Variants in FAT3 observed in about 807,000 individuals in gnomAD.
FAT3 encodes the protein FAT atypical cadherin 3.
A neutral mutation model predicts 310.2 loss-of-function variants in FAT3; 95 were observed. The observed-to-expected ratio is 0.31, with a 90% CI of 0.26 to 0.36. FAT3 has a LOEUF of 0.36. FAT3 is among the 10% of genes least tolerant of loss of function. The probability of loss-of-function intolerance (pLI) is 1.00; values close to 1 mark genes in which losing one functional copy is unlikely to be tolerated. For missense variants in FAT3, 5,408 were observed against 5,715.6 expected (o/e 0.95, Z 1.74); for synonymous variants, 2,314 against 2,192.9 (o/e 1.06, Z -1.54).
At chr11:92,685,339 A>G (rs1218729458) in intron 3 of FAT3, among the ~76,000 whole-genome samples, 2 of 152,170 alleles carry the variant, frequency 1.3e-5, no homozygotes, top group African/African-American at 4.8e-5. Flanking sequence ...CATGACACCA[A>G]AAAACATGGC....
intron 3 of FAT3, among the ~76,000 whole-genome samples, chr11:92,582,814 T>C (rs1306680312): frequency 1.3e-5 from 2 of 152,026 alleles, no homozygotes; most frequent in Admixed American, 1.3e-4. Flanking sequence ...AAAAGTCCTA[T>C]CCAATAGTTG....
At chr11:92,452,832 G>A (rs911646187) in intron 2 of FAT3, among the ~76,000 whole-genome samples, 2 of 152,004 alleles carry the variant, frequency 1.3e-5, no homozygotes, top group Non-Finnish European at 2.9e-5. Context: ...GTGAGATCAC[G>A]GCTCACTGAA....
At position 92,264,320 on chromosome 11, in the gene FAT3, T is replaced by C. The variant is rs377212690; in HGVS notation, c.-18+39146T>C. Among the ~76,000 whole-genome samples, 22 of 152,292 alleles carry C rather than the reference T, an allele frequency of 1.4e-4. 1 individual carries two copies. Among genetic ancestry groups the C allele is most frequent in the African/African-American group, 5.1e-4 (21 of 41,576 alleles). On this transcript the variant is annotated intron_variant, in intron 1 of 27. Transcript: ENST00000525166. ...CTAAGGCTTGTTTTCTTGTTGTATA[T>C]GTTTCAGGAGAGTAGGGGCTAACTG...
chr11:92,465,784 G>T (rs1350585089), intron 2 of FAT3, among the ~76,000 whole-genome samples: 2 of 151,876 alleles, frequency 1.3e-5, no homozygotes, highest in African/African-American at 4.8e-5. Flanking sequence ...AATGGGTGCA[G>T]CACACCAACA....
chr11:92,731,735 C>G (rs1223037972), intron 4 of FAT3, among the ~76,000 whole-genome samples: 1 of 151,662 alleles, frequency 6.6e-6, no homozygotes, highest in Non-Finnish European at 1.5e-5. Flanking sequence ...GTAAGAAGAC[C>G]CCCCAAGGGC....
At chr11:92,809,145 A>T (rs757897944) in intron 12 of FAT3, among the ~76,000 whole-genome samples, 1 of 152,176 alleles carries the variant, frequency 6.6e-6, no homozygotes, top group Non-Finnish European at 1.5e-5. Context: ...CAATGCAGCT[A>T]TTCCAGTGGT....
At chr11:92,756,915 C>CTTT (rs1439645651) in intron 4 of FAT3, among the ~76,000 whole-genome samples, 2 of 120,354 alleles carry the variant, frequency 1.7e-5, no homozygotes, top group African/African-American at 7.5e-5. Flanking sequence ...TTTGTGGCTC[C>CTTT]ATTTTTTTTT....
At chr11:92,466,671 T>C (rs1376816532) in intron 2 of FAT3, among the ~76,000 whole-genome samples, 13 of 151,466 alleles carry the variant, frequency 8.6e-5, no homozygotes, top group South Asian at 8.4e-4. Context: ...CATGCTGGTG[T>C]GCTGCACCCA....
At chr11:92,590,718 G>T (rs1349983328) in intron 3 of FAT3, among the ~76,000 whole-genome samples, 1 of 152,072 alleles carries the variant, frequency 6.6e-6, no homozygotes, top group Non-Finnish European at 1.5e-5. Context: ...GTAAGCAAGG[G>T]TTTATTGCCT....
chr11:92,761,238 G>C (rs558976700), intron 4 of FAT3, among the ~76,000 whole-genome samples: 2 of 152,262 alleles, frequency 1.3e-5, no homozygotes, highest in South Asian at 4.1e-4. Flanking sequence ...GTTCCTCCTA[G>C]ATGGTGCCTT....
intron 3 of FAT3, among the ~76,000 whole-genome samples, chr11:92,649,874 C>CATAT (rs10528724): frequency 0.028 from 1,349 of 48,836 alleles, 76 homozygotes; most frequent in East Asian, 0.057. Context: ...TTTGTATGTT[C>CATAT]ATATATATAT....
chr11:92,481,295 T>C (rs1427115084), intron 2 of FAT3, among the ~76,000 whole-genome samples: 9 of 146,024 alleles, frequency 6.2e-5, no homozygotes, highest in Non-Finnish European at 1.5e-5. Context: ...CTAAAGAATA[T>C]CTACCTCTTT....
intron 1 of FAT3, among the ~76,000 whole-genome samples, chr11:92,314,597 T>C (rs1466715029): frequency 6.6e-6 from 1 of 152,206 alleles, no homozygotes; most frequent in African/African-American, 2.4e-5. Context: ...CTGCCAGTAC[T>C]CTGAGTATCC....
In FAT3 at chr11:92,806,914, A is replaced by C. The variant is rs560875053; in HGVS notation, c.9247+399A>C. On this transcript the variant is annotated intron_variant, in intron 12 of 27. Coordinates refer to ENST00000525166, the MANE Select transcript of FAT3 (RefSeq NM_001367949.2). ...TGTAAATAATTCTCCTAGGAAACTCAATGGAACTGGAAAATGTGGGGAGGT... is the reference window on the plus strand; with the variant it reads ...TGTAAATAATTCTCCTAGGAAACTCCATGGAACTGGAAAATGTGGGGAGGT... 2.0e-5 allele frequency among the ~76,000 whole-genome samples: 3 copies of C among 152,280 alleles called. No individual in the cohort carries two copies. In the South Asian group the frequency reaches 6.2e-4, roughly 32 times the overall value.
At chr11:92,301,058 A>T (rs2134424314) in intron 1 of FAT3, among the ~76,000 whole-genome samples, 1 of 152,134 alleles carries the variant, frequency 6.6e-6, no homozygotes, top group South Asian at 2.1e-4. Context: ...TTTCTCAATT[A>T]TGGGGGCCTG....
At chr11:92,345,862 G>T (rs1397260879) in intron 1 of FAT3, among the ~76,000 whole-genome samples, 1 of 145,144 alleles carries the variant, frequency 6.9e-6, no homozygotes, top group Non-Finnish European at 1.6e-5. Flanking sequence ...TTCCTCAATG[G>T]TTAAACTAGG....
intron 3 of FAT3, among the ~76,000 whole-genome samples, chr11:92,580,216 C>A (rs1326039653): frequency 6.6e-6 from 1 of 151,988 alleles, no homozygotes; most frequent in African/African-American, 2.4e-5. Flanking sequence ...TTCATTTTAA[C>A]CCCAGTTTTG....
At chr11:92,488,604 A>G (rs1203866434) in intron 2 of FAT3, among the ~76,000 whole-genome samples, 1 of 151,844 alleles carries the variant, frequency 6.6e-6, no homozygotes, top group Non-Finnish European at 1.5e-5. Flanking sequence ...GAATCCCATT[A>G]TATCCTACTT....
In FAT3 at chr11:92,699,689, G is replaced by A. The variant is rs117915765; in HGVS notation, c.3669+2244G>A. The stretch of plus-strand genomic sequence containing the variant: ...TTTGGAATTTGGGTTTTCACATTAG[G>A]GATATTCAACTTGTATCTGGTATCA... On this transcript the variant is annotated intron_variant, in intron 4 of 27. Coordinates refer to ENST00000525166, the MANE Select transcript of FAT3 (RefSeq NM_001367949.2). Among the ~76,000 whole-genome samples, 319 of 152,218 alleles carry A rather than the reference G, an allele frequency of 2.1e-3. 1 individual carries two copies. Among genetic ancestry groups the A allele is most frequent in the Non-Finnish European group, 3.2e-3 (215 of 68,012 alleles).
Sources: allele counts gnomAD v4.1 joint callset (sites outside exome capture counted in the v4.1 genomes callset), GRCh38; gene constraint gnomAD v4.1.1; transcripts MANE v1.5; gene names NCBI Gene and HGNC (gene_info 2026-07-23, HGNC 2026-07-21).